The following GYG2 variants were observed in gnomAD, a reference collection of about 807,000 sequenced individuals.
The protein encoded by GYG2 is glycogenin 2.
Under a neutral mutation model 29.4 loss-of-function variants are expected in GYG2, and 29 were observed. The ratio of observed to expected loss-of-function variants is 0.99; its 90% CI spans 0.74 to 1.35. The LOEUF (loss-of-function observed/expected upper bound fraction) is 1.35. Ranked by LOEUF, GYG2 falls within the 40% of genes most tolerant of loss-of-function variation. GYG2 has a pLI of 0.00. For synonymous variants in GYG2, 167 were observed against 172.3 expected, an observed-to-expected ratio of 0.97 and a Z score of 0.24; for missense variants, 370 against 385.7, an observed-to-expected ratio of 0.96 and a Z score of 0.34.
Position 2,843,417 on chromosome X carries a change from C to T in GYG2, c.149+63C>T, listed in dbSNP as rs12011544. The stretch of plus-strand genomic sequence containing the variant: ...CTATAGAAGGAGGGTCACCTCTCCC[C>T]TAAGAGGTCCTAGGAGTTATTCTGA... On this transcript the variant is annotated intron_variant, in intron 3 of 10. Coordinates refer to ENST00000398806, the MANE Select transcript of GYG2 (RefSeq NM_001079855.2). The T allele has an allele frequency of 0.012, 10,724 of 896,784 alleles. 727 individuals are homozygous for T. The African/African-American group carries it at 0.19, about 16-fold the overall frequency. The allele number at this position is 896,784 out of a possible 1,213,427, so 73.9% of individuals were successfully genotyped here.
At chrX:2,874,770 G>A (rs775504834) in intron 8 of GYG2, among the ~76,000 whole-genome samples, 3 of 111,717 alleles carry the variant, frequency 2.7e-5, no homozygotes, top group Non-Finnish European at 5.6e-5. Flanking sequence ...CTGAGTATCC[G>A]AGTGACTGAT....
chrX:2,839,025 A>G (rs2087440375), intron 2 of GYG2, among the ~76,000 whole-genome samples: 1 of 111,800 alleles, frequency 8.9e-6, no homozygotes, highest in Non-Finnish European at 1.9e-5. Flanking sequence ...GTGTTTTTCA[A>G]ATATCTGGTA....
chrX:2,857,418 A>G (rs1370070192), intron 6 of GYG2, among the ~76,000 whole-genome samples: 7 of 110,479 alleles, frequency 6.3e-5, no homozygotes, highest in Admixed American at 3.9e-4. Context: ...ATCTATATCT[A>G]TCTATCTAGA....
chrX:2,881,538 G>C lies in GYG2; in HGVS notation c.*325G>C, dbSNP rs1361111722. On this transcript the variant is annotated 3_prime_UTR_variant, in exon 11 of 11. Transcript: ENST00000398806. The stretch of plus-strand genomic sequence containing the variant: ...CTCCGCTCTTGCCCGAAGGACCTCT[G>C]AAGTACGCTGGAGCTGTGTTGTACA... 10 of 189,395 alleles carry C rather than the reference G, an allele frequency of 5.3e-5. No homozygotes were observed. Among genetic ancestry groups the C allele is most frequent in the Non-Finnish European group, 8.6e-5 (9 of 104,772 alleles). 15.6% of individuals were successfully genotyped at this position (189,395 alleles called of 1,213,427 possible). A position where few individuals can be genotyped will look rare whatever the true frequency, so the allele number is the denominator to read the frequency against.
chrX:2,838,049 TA>T (rs1172558462), intron 2 of GYG2, among the ~76,000 whole-genome samples: 3 of 110,875 alleles, frequency 2.7e-5, no homozygotes, highest in Non-Finnish European at 3.8e-5. Context: ...AAAATTAAAT[TA>T]AATGAATGCA....
intron 7 of GYG2, 88 bp downstream of exon 7, chrX:2,860,153 G>A: frequency 3.7e-6 from 2 of 535,674 alleles, no homozygotes; most frequent in Non-Finnish European, 3.0e-6. Flanking sequence ...TTTTTGAAAT[G>A]CCCCTTTTTT....
chrX:2,854,661 C>T (rs2087939576), intron 4 of GYG2, among the ~76,000 whole-genome samples: 1 of 112,208 alleles, frequency 8.9e-6, no homozygotes, highest in South Asian at 3.7e-4. Flanking sequence ...TGACTGGGCA[C>T]AGTGGCTCAT....
chrX:2,836,202 G>A (rs1278570601), intron 2 of GYG2, among the ~76,000 whole-genome samples: 5 of 111,332 alleles, frequency 4.5e-5, no homozygotes, highest in South Asian at 3.8e-4. Flanking sequence ...AACCATTGGC[G>A]TTGGGTTGGC....
intron 2 of GYG2, among the ~76,000 whole-genome samples, chrX:2,833,612 G>C (rs2087313292): frequency 1.8e-5 from 2 of 111,565 alleles, no homozygotes; most frequent in African/African-American, 6.5e-5. Flanking sequence ...AGTTCGCATA[G>C]TTGTCACTCA....
At chrX:2,875,955 T>C (rs1053319459) in intron 9 of GYG2, 41 bp downstream of exon 9, 3 of 746,549 alleles carry the variant, frequency 4.0e-6, no homozygotes, top group Non-Finnish European at 6.2e-6. Context: ...CCAGCTCTCT[T>C]ATTGCTTGTT....
chrX:2,872,570 A>T (rs975006079), intron 8 of GYG2, among the ~76,000 whole-genome samples: 8 of 112,333 alleles, frequency 7.1e-5, no homozygotes, highest in Non-Finnish European at 1.1e-4. Flanking sequence ...TTGCATCATT[A>T]TTTCATCCTC....
chrX:2,851,061 T>G (rs1171638666), intron 3 of GYG2, among the ~76,000 whole-genome samples: 1 of 112,107 alleles, frequency 8.9e-6, no homozygotes. Flanking sequence ...AATTCCTTTT[T>G]AAAAAGATAG....
In GYG2 at chrX:2,859,936, A is replaced by G; in HGVS notation, c.708A>G (p.Gln236=). The G allele has an allele frequency of 8.3e-7, 1 of 1,197,721 alleles. No homozygotes were observed. Among genetic ancestry groups the G allele is most frequent in the Non-Finnish European group, 1.1e-6 (1 of 883,397 alleles). Residue 236 remains glutamine, a synonymous_variant, in exon 7 of 11, where the codon CAA becomes CAG. Transcript: ENST00000398806. ...YNPQSGSVLE[Q]GSASSSQHQA... ...CACAGAGTGGCTCGGTGTTGGAGCAAGGCTCAGCGTCCAGCAGCCAGCACC... is the reference window on the plus strand; with the variant it reads ...CACAGAGTGGCTCGGTGTTGGAGCAGGGCTCAGCGTCCAGCAGCCAGCACC...
chrX:2,853,576 G>T, intron 3 of GYG2: 1 of 123,345 alleles, frequency 8.1e-6, no homozygotes. Flanking sequence ...TGTGTTGATT[G>T]AAAAATATAA....
chrX:2,842,886 C>T (rs1205626155), intron 2 of GYG2: 2 of 297,271 alleles, frequency 6.7e-6, no homozygotes, highest in Non-Finnish European at 1.2e-5. Context: ...GCAATCACGG[C>T]TCACTGCAGC....
chrX:2,876,033 C>CTTTTT lies in GYG2; in HGVS notation c.1143+143_1143+147dup, dbSNP rs59937896. ...GCCATAGGCTTTTAAAAATTCCTCCCTTTTTTTTTTTTTTTTTTTTTTTTT... is the reference window on the plus strand; with the variant it reads ...GCCATAGGCTTTTAAAAATTCCTCCCTTTTTTTTTTTTTTTTTTTTTTTTTTTTTT... On this transcript the variant is annotated intron_variant, in intron 9 of 10. Coordinates refer to ENST00000398806, the MANE Select transcript of GYG2 (RefSeq NM_001079855.2). 1.7e-4 allele frequency: 31 copies of CTTTTT among 186,508 alleles called. 1 individual carries two copies. Among genetic ancestry groups the CTTTTT allele is most frequent in the African/African-American group, 1.1e-3 (17 of 15,135 alleles). 15.4% of individuals were successfully genotyped at this position (186,508 alleles called of 1,213,427 possible). A position where few individuals can be genotyped will look rare whatever the true frequency, so the allele number is the denominator to read the frequency against.
chrX:2,866,778 A>G (rs1449177068), intron 8 of GYG2, among the ~76,000 whole-genome samples: 8 of 110,360 alleles, frequency 7.2e-5, no homozygotes, highest in African/African-American at 2.3e-4. Context: ...ATCCCTGTGT[A>G]CCCCATGAAT....
chrX:2,867,832 C>T (rs768754843), intron 8 of GYG2, among the ~76,000 whole-genome samples: 2 of 112,321 alleles, frequency 1.8e-5, no homozygotes, highest in Non-Finnish European at 3.8e-5. Context: ...CAGTGGCTCA[C>T]GTCTGTAATC....
chrX:2,869,608 T>C (rs2088406398), intron 8 of GYG2, among the ~76,000 whole-genome samples: 3 of 112,486 alleles, frequency 2.7e-5, no homozygotes, highest in Admixed American at 1.9e-4. Flanking sequence ...GCTACTTTGG[T>C]ATATATAATG....
Sources: allele counts gnomAD v4.1 joint callset (sites outside exome capture counted in the v4.1 genomes callset), GRCh38; gene constraint gnomAD v4.1.1; transcripts MANE v1.5; gene names NCBI Gene and HGNC (gene_info 2026-07-23, HGNC 2026-07-21).